Variants in CTNNA2 observed in about 807,000 individuals in gnomAD.
The protein encoded by CTNNA2 is catenin alpha-2.
CTNNA2 carries 42 observed loss-of-function variants against 101.0 expected under a neutral mutation model. That is an observed-to-expected ratio of 0.42 (90% confidence interval 0.32 to 0.54). CTNNA2 has a LOEUF of 0.54. Ranked by LOEUF, CTNNA2 falls within the 20% of genes least tolerant of loss-of-function variation. CTNNA2 has a pLI of 0.14. For missense variants in CTNNA2, 871 were observed against 1,223.1 expected, an observed-to-expected ratio of 0.71 and a Z score of 4.29; for synonymous variants, 450 against 456.4, an observed-to-expected ratio of 0.99 and a Z score of 0.18.
intron 2 of CTNNA2, among the ~76,000 whole-genome samples, chr2:79,310,568 T>G (rs977777962): frequency 6.6e-6 from 1 of 152,246 alleles, no homozygotes; most frequent in African/African-American, 2.4e-5. Flanking sequence ...GGTGTTGTTG[T>G]CCATATAGGA....
intron 2 of CTNNA2, among the ~76,000 whole-genome samples, chr2:79,734,529 A>G (rs908243895): frequency 2.0e-5 from 3 of 152,140 alleles, no homozygotes; most frequent in African/African-American, 4.8e-5. Flanking sequence ...ATACCTTAGA[A>G]TTAATGAAAT....
intron 17 of CTNNA2, among the ~76,000 whole-genome samples, chr2:80,617,857 A>G (rs1327654422): frequency 6.6e-6 from 1 of 151,890 alleles, no homozygotes; most frequent in African/African-American, 2.4e-5. Context: ...TTATCTGTAT[A>G]TAGAAACAGG....
At chr2:80,109,857 G>A (rs1225348984) in intron 7 of CTNNA2, among the ~76,000 whole-genome samples, 1 of 150,798 alleles carries the variant, frequency 6.6e-6, no homozygotes, top group Non-Finnish European at 1.5e-5. Flanking sequence ...TCCTCCACCA[G>A]TTCTCGTCAT....
rs573299651 is a variant in CTNNA2 at position 80,420,314 on chromosome 2, C to T, written c.1290+713C>T. 1.8e-4 allele frequency among the ~76,000 whole-genome samples: 27 copies of T among 151,918 alleles called. 1 individual carries two copies. The highest frequency in any genetic ancestry group is 5.6e-4 in the African/African-American group (23 of 41,396). Reference sequence around the variant, plus strand: ...AGGATTAGTGATGTGGGGCTAAATACAATAGAAAATAGAGTTGTTGCACAA... The same window carrying T: ...AGGATTAGTGATGTGGGGCTAAATATAATAGAAAATAGAGTTGTTGCACAA... On this transcript the variant is annotated intron_variant, in intron 9 of 18. Coordinates refer to ENST00000402739, the MANE Select transcript of CTNNA2 (RefSeq NM_001282597.3).
chr2:80,161,465 C>T (rs1704313681), intron 7 of CTNNA2, among the ~76,000 whole-genome samples: 1 of 151,950 alleles, frequency 6.6e-6, no homozygotes, highest in African/African-American at 2.4e-5. Flanking sequence ...TATCTTAATA[C>T]ATTACAAGTT....
chr2:79,274,935 C>T (rs1675174183), intron 2 of CTNNA2, among the ~76,000 whole-genome samples: 1 of 151,944 alleles, frequency 6.6e-6, no homozygotes, highest in South Asian at 2.1e-4. Flanking sequence ...TCACCCGCAT[C>T]AAGGATAAAT....
rs1670854372 is a variant in CTNNA2, at chr2:79,736,073, G to GAAAC, written c.103-8314_103-8313insAAAC. On this transcript the variant is annotated intron_variant, in intron 2 of 18. Coordinates refer to ENST00000402739, the MANE Select transcript of CTNNA2 (RefSeq NM_001282597.3). ...TCCTATTGTAGTAGTTTCTATTGTA[G>GAAAC]TAGTTTCTGTGAAAGTTTTATCTTA... 2.0e-5 allele frequency among the ~76,000 whole-genome samples: 3 copies of GAAAC among 152,168 alleles called. No individual in the cohort carries two copies. In the South Asian group the frequency reaches 6.2e-4, roughly 31 times the overall value.
intron 7 of CTNNA2, among the ~76,000 whole-genome samples, chr2:80,156,465 T>G (rs1219737868): frequency 6.6e-6 from 1 of 152,248 alleles, no homozygotes; most frequent in Non-Finnish European, 1.5e-5. Flanking sequence ...TTTCTAAGGT[T>G]CACTTTCCTT....
chr2:80,133,829 AAAG>A (rs1469401070), intron 7 of CTNNA2, among the ~76,000 whole-genome samples: 9 of 152,210 alleles, frequency 5.9e-5, no homozygotes, highest in South Asian at 2.1e-4. Flanking sequence ...CATTATAGAA[AAAG>A]AAGAAGAAAT....
At chr2:80,627,176 CGTGT>C (rs36153723) in intron 18 of CTNNA2, among the ~76,000 whole-genome samples, 1 of 151,520 alleles carries the variant, frequency 6.6e-6, no homozygotes, top group African/African-American at 2.4e-5. Context: ...AATAAACATA[CGTGT>C]GTGTGTGTGT....
Position 80,395,761 on chromosome 2 carries a change from G to T in CTNNA2, c.1137+2470G>T, listed in dbSNP as rs139175008. 5.6e-3 allele frequency among the ~76,000 whole-genome samples: 856 copies of T among 152,292 alleles called. 3 individuals carry two copies. Among genetic ancestry groups the T allele is most frequent in the African/African-American group, 0.019 (805 of 41,564 alleles). On this transcript the variant is annotated intron_variant, in intron 8 of 18. Transcript: ENST00000402739. Reference sequence around the variant, plus strand: ...TTCTTTCAATTACAGATAAATGTATGCTAGAGCAGATTCTAAAAGAGATCC... The same window carrying T: ...TTCTTTCAATTACAGATAAATGTATTCTAGAGCAGATTCTAAAAGAGATCC...
At chr2:80,564,870 T>C (rs1486170942) in intron 12 of CTNNA2, among the ~76,000 whole-genome samples, 1 of 152,184 alleles carries the variant, frequency 6.6e-6, no homozygotes, top group African/African-American at 2.4e-5. Flanking sequence ...AATTTTCAAC[T>C]TCGAACCTGA....
intron 7 of CTNNA2, among the ~76,000 whole-genome samples, chr2:79,919,816 GA>G: frequency 6.6e-6 from 1 of 152,278 alleles, no homozygotes; most frequent in Middle Eastern, 3.4e-3. Flanking sequence ...ATGCGGCCTT[GA>G]ACTCTGAGAG....
chr2:79,809,582 GTCT>G (rs1676847408), intron 3 of CTNNA2, among the ~76,000 whole-genome samples: 1 of 152,064 alleles, frequency 6.6e-6, no homozygotes, highest in Non-Finnish European at 1.5e-5. Flanking sequence ...CTGCATAAAT[GTCT>G]TCTTTTGAGA....
rs940456032 is a variant in CTNNA2, at chr2:79,912,947, G to A, written c.1056+3150G>A. On this transcript the variant is annotated intron_variant, in intron 7 of 18. Coordinates refer to ENST00000402739, the MANE Select transcript of CTNNA2 (RefSeq NM_001282597.3). Reference sequence around the variant, plus strand: ...GTTTTATTAATAAGAATATTGTGAGGAATGCAAATTTAGAATATTTTATTC... The same window carrying A: ...GTTTTATTAATAAGAATATTGTGAGAAATGCAAATTTAGAATATTTTATTC... 6.6e-5 allele frequency among the ~76,000 whole-genome samples: 10 copies of A among 152,250 alleles called. No homozygotes were observed. The Middle Eastern group carries it at 0.01, about 155-fold the overall frequency.
intron 3 of CTNNA2, among the ~76,000 whole-genome samples, chr2:79,817,144 T>C (rs1418708758): frequency 6.6e-6 from 1 of 151,986 alleles, no homozygotes; most frequent in Non-Finnish European, 1.5e-5. Context: ...CATTAACTCG[T>C]CATTTAGCAT....
chr2:79,974,053 A>G (rs1388970312), intron 7 of CTNNA2, among the ~76,000 whole-genome samples: 2 of 152,128 alleles, frequency 1.3e-5, no homozygotes, highest in Non-Finnish European at 2.9e-5. Flanking sequence ...GCATTCATGT[A>G]TGAGAGCCTT....
At chr2:79,291,075 G>A (rs1558607679) in intron 2 of CTNNA2, among the ~76,000 whole-genome samples, 1 of 152,136 alleles carries the variant, frequency 6.6e-6, no homozygotes. Context: ...TTGAGCAGTG[G>A]GGCACTGAAG....
intron 3 of CTNNA2, among the ~76,000 whole-genome samples, chr2:79,350,956 A>T (rs1302654760): frequency 1.3e-5 from 2 of 152,100 alleles, no homozygotes; most frequent in Non-Finnish European, 2.9e-5. Context: ...ATGTCAGTTT[A>T]TGTTCTTTCC....
Sources: allele counts gnomAD v4.1 joint callset (sites outside exome capture counted in the v4.1 genomes callset), GRCh38; gene constraint gnomAD v4.1.1; transcripts MANE v1.5; gene names NCBI Gene and HGNC (gene_info 2026-07-23, HGNC 2026-07-21).